The following ECI1 variants were observed in gnomAD, a reference collection of about 807,000 sequenced individuals.
ECI1 encodes the protein enoyl-CoA delta isomerase 1, also known as enoyl-CoA delta isomerase 1, mitochondrial.
A neutral mutation model predicts 34.2 loss-of-function variants in ECI1; 34 were observed. The observed-to-expected ratio is 1.00, with a 90% CI of 0.76 to 1.33. The LOEUF is 1.33. ECI1 is among the 40% of genes most tolerant of loss of function. ECI1 has a pLI of 0.00. For missense variants in ECI1, 456 were observed against 422.2 expected (o/e 1.08, Z -0.70); for synonymous variants, 211 against 193.0 (o/e 1.09, Z -0.77).
intron 2 of ECI1, among the ~76,000 whole-genome samples, chr16:2,247,429 CTCTTG>C (rs2093542999): frequency 6.6e-6 from 1 of 151,618 alleles, no homozygotes; most frequent in African/African-American, 2.4e-5. Context: ...CGGAGTTTTG[CTCTTG>C]TTGCCCAGGT....
At chr16:2,251,139 G>C (rs2093552290) in intron 2 of ECI1, among the ~76,000 whole-genome samples, 177 bp downstream of exon 2, 1 of 152,228 alleles carries the variant, frequency 6.6e-6, no homozygotes, top group East Asian at 1.9e-4. Context: ...TTTAAAAACA[G>C]AAACTTTTAT....
intron 6 of ECI1, among the ~76,000 whole-genome samples, chr16:2,241,251 G>A (rs530058923): frequency 2.0e-4 from 30 of 152,174 alleles, no homozygotes; most frequent in Non-Finnish European, 3.8e-4. Context: ...TCAGTCATTT[G>A]TATCAGGGTT....
At chr16:2,251,469 C>G (rs771377106) in intron 1 of ECI1, 40 bp from the exon 2 acceptor site, 133 of 1,538,974 alleles carry the variant, frequency 8.6e-5, no homozygotes, top group Non-Finnish European at 1.1e-4. Context: ...GTTCCCGGTC[C>G]TGGCCCCGGC....
chr16:2,251,473 C>T (rs1180184917), intron 1 of ECI1, 42 bp downstream of exon 1: 2 of 1,537,972 alleles, frequency 1.3e-6, no homozygotes, highest in Non-Finnish European at 1.7e-6. Flanking sequence ...CCGGTCCTGG[C>T]CCCGGCCCCG....
chr16:2,249,743 TGGC>T (rs1270333687), intron 2 of ECI1, among the ~76,000 whole-genome samples: 1 of 149,844 alleles, frequency 6.7e-6, no homozygotes. Context: ...CCGGGCGTGG[TGGC>T]GGGCGCCTGT....
Position 2,251,296 on chromosome 16 carries a change from C to T in ECI1, c.166+20G>A. ...GGGTCCTGACCCCACGCCCGCCCTC[C>T]CTCGGCGCCGCCCGCTCACCTGCGC... On this transcript the variant is annotated intron_variant, in intron 2 of 6. Transcript: ENST00000301729. 2.6e-6 allele frequency: 3 copies of T among 1,158,958 alleles called. No homozygotes were observed. The highest frequency in any genetic ancestry group is 3.2e-6 in the Non-Finnish European group (3 of 932,602). 71.8% of individuals were successfully genotyped at this position (1,158,958 alleles called of 1,614,324 possible).
Position 2,239,604 on chromosome 16 carries a change from A to C in ECI1, c.*375T>G, listed in dbSNP as rs1310039630. The C allele has an allele frequency of 5.7e-6, 2 of 349,812 alleles. No individual in the cohort carries two copies. Among genetic ancestry groups the C allele is most frequent in the East Asian group, 1.5e-4 (2 of 13,478 alleles). The allele number at this position is 349,812 out of a possible 1,614,324, so 21.7% of individuals were successfully genotyped here. Reference sequence around the variant, plus strand: ...TTCTGTGTGGGTCATGGGGGCCAAGACCACCTGGCCTTACACCTAAGAGCA... The same window carrying C: ...TTCTGTGTGGGTCATGGGGGCCAAGCCCACCTGGCCTTACACCTAAGAGCA... On this transcript the variant is annotated 3_prime_UTR_variant, in exon 7 of 7. Transcript: ENST00000301729.
At chr16:2,244,637 A>C in intron 3 of ECI1, 85 bp from the exon 4 acceptor site, 1 of 1,439,970 alleles carries the variant, frequency 6.9e-7, no homozygotes, top group Non-Finnish European at 9.5e-7. Flanking sequence ...GCCCAGGTGC[A>C]CGACGCACAG....
In ECI1 at chr16:2,239,840, C is replaced by A. The variant is rs2093523509; in HGVS notation, c.*139G>T. ...TGTGGCTGGGCCTTGGGCCACTGGG[C>A]TATGAGGAACAGGAACTTCTACGTA... On this transcript the variant is annotated 3_prime_UTR_variant, in exon 7 of 7. Coordinates refer to ENST00000301729, the MANE Select transcript of ECI1 (RefSeq NM_001919.4). 1.1e-6 allele frequency: 1 copy of A among 940,504 alleles called. No individual in the cohort carries two copies. Among genetic ancestry groups the A allele is most frequent in the Admixed American group, 1.9e-5 (1 of 52,280 alleles). The allele number at this position is 940,504 out of a possible 1,614,324, so 58.3% of individuals were successfully genotyped here.
chr16:2,249,114 C>G (rs889546361), intron 2 of ECI1, among the ~76,000 whole-genome samples: 1 of 152,034 alleles, frequency 6.6e-6, no homozygotes, highest in African/African-American at 2.4e-5. Flanking sequence ...GGCGCGATCT[C>G]GGCTTACTGC....
chr16:2,246,718 G>A (rs773473142), intron 3 of ECI1, 141 bp downstream of exon 3: 1 of 1,339,430 alleles, frequency 7.5e-7, no homozygotes, highest in Non-Finnish European at 1.1e-6. Flanking sequence ...GGCGCCTGGA[G>A]TCCAGGGTGG....
At position 2,247,316 on chromosome 16, in the gene ECI1, C is replaced by T. The variant is rs150744384; in HGVS notation, c.167-330G>A. On this transcript the variant is annotated intron_variant, in intron 2 of 6. Coordinates refer to ENST00000301729, the MANE Select transcript of ECI1 (RefSeq NM_001919.4). Reference sequence around the variant, plus strand: ...TTCACCGTGTTAGCCAGGATGGGCTCGATCTCTTGACCTCGCGATCTGCCC... The same window carrying T: ...TTCACCGTGTTAGCCAGGATGGGCTTGATCTCTTGACCTCGCGATCTGCCC... 4.7e-3 allele frequency among the ~76,000 whole-genome samples: 720 copies of T among 152,266 alleles called. 17 individuals carry two copies. The highest frequency in any genetic ancestry group is 0.013 in the East Asian group (67 of 5,172).
At chr16:2,244,159 C>T in intron 4 of ECI1, 1 of 572,658 alleles carries the variant, frequency 1.7e-6, no homozygotes, top group Non-Finnish European at 3.1e-6. Context: ...AACCCCAGGC[C>T]CTGGTCCCTA....
chr16:2,251,410 C>G lies in ECI1; in HGVS notation c.72G>C (p.Ala24=). ...CCGCCCGCTCCGTCCGCCCGAGGGC[C>G]GCGCCCGGGAGCCGGGCCCCTGCGA... The part of the protein sequence containing the change: ...LLRAGARLPG[A]ALGRTERAAG... Residue 24 remains alanine, a synonymous_variant, in exon 2 of 7, where the codon GCG becomes GCC. Transcript: ENST00000301729. 7.4e-7 allele frequency: 1 copy of G among 1,356,916 alleles called. No homozygotes were observed. Among genetic ancestry groups the G allele is most frequent in the East Asian group, 3.1e-5 (1 of 31,828 alleles). The allele number at this position is 1,356,916 out of a possible 1,614,324, so 84.1% of individuals were successfully genotyped here. A position where few individuals can be genotyped will look rare whatever the true frequency, so the allele number is the denominator to read the frequency against.
At chr16:2,250,394 G>A (rs2093550594) in intron 2 of ECI1, among the ~76,000 whole-genome samples, 1 of 152,274 alleles carries the variant, frequency 6.6e-6, no homozygotes, top group East Asian at 1.9e-4. Context: ...GAGGCACCAG[G>A]AGCCTGGAGT....
At position 2,243,335 on chromosome 16, in the gene ECI1, GC is replaced by G. The variant is rs1232323351; in HGVS notation, c.545del (p.Gly182AlafsTer8). The G allele has an allele frequency of 1.9e-6, 3 of 1,613,716 alleles. No individual in the cohort carries two copies. The highest frequency in any genetic ancestry group is 2.2e-5 in the South Asian group (2 of 91,092). ...YCIGLNETQLGIIAPFWLKDT... is the reference protein window; with the variant it reads ...YCIGLNETQLXIIAPFWLKDT... ...GGCCTTACCAGAAAGGGGCGATGAT[GC>G]CCAGCTGGGTCTCATTGAGTCCTAT... On this transcript the variant is annotated frameshift_variant, in exon 5 of 7. Coordinates refer to ENST00000301729, the MANE Select transcript of ECI1 (RefSeq NM_001919.4). LOFTEE classifies it high-confidence loss of function.
At chr16:2,240,345 G>A (rs919653940) in intron 6 of ECI1, 200 bp from the exon 7 acceptor site, 1 of 552,428 alleles carries the variant, frequency 1.8e-6, no homozygotes, top group East Asian at 3.3e-5. Flanking sequence ...TTGAGTAGCT[G>A]GGATTACAAC....
chr16:2,242,938 T>C (rs2141497374), intron 6 of ECI1, 108 bp downstream of exon 6: 1 of 883,488 alleles, frequency 1.1e-6, no homozygotes, highest in Non-Finnish European at 1.8e-6. Flanking sequence ...CACATGGCTG[T>C]GATTATCAAC....
In ECI1 at chr16:2,243,155, G is replaced by T. The variant is rs752092190; in HGVS notation, c.633C>A (p.Leu211=). 16 of 1,607,324 alleles carry T rather than the reference G, an allele frequency of 1.0e-5. No homozygotes were observed. The highest frequency in any genetic ancestry group is 1.4e-5 in the Non-Finnish European group (16 of 1,179,726). ...AAERALQLGL[L]FPPAEALQVG... ...CCTGCAGGGCCTCCGCCGGCGGGAA[G>T]AGCAGCCCCAGCTGCAGGGCACGCT... Residue 211 remains leucine (L), a synonymous_variant, in exon 6 of 7, where the codon CTC becomes CTA. Transcript: ENST00000301729.
Sources: allele counts gnomAD v4.1 joint callset (sites outside exome capture counted in the v4.1 genomes callset), GRCh38; gene constraint gnomAD v4.1.1; transcripts MANE v1.5; gene names NCBI Gene and HGNC (gene_info 2026-07-23, HGNC 2026-07-21).